The following B3GALT1 variants were observed in gnomAD, a reference collection of about 807,000 sequenced individuals.
B3GALT1 encodes UDP-Gal:betaGlcNAc beta 1,3-galactosyltransferase, polypeptide 1.
A neutral mutation model predicts 23.2 loss-of-function variants in B3GALT1; 10 were observed. The observed-to-expected ratio is 0.43, with a 90% CI of 0.27 to 0.73. The LOEUF (loss-of-function observed/expected upper bound fraction) is 0.73, where lower values mean the gene tolerates loss of function less well. B3GALT1 is among the 30% of genes least tolerant of loss of function. The probability of loss-of-function intolerance (pLI) is 0.21; values close to 1 mark genes in which losing one functional copy is unlikely to be tolerated. For missense variants in B3GALT1, 299 were observed against 405.4 expected (o/e 0.74, Z 2.25); for synonymous variants, 156 against 141.5 (o/e 1.10, Z -0.73).
intron 1 of B3GALT1, among the ~76,000 whole-genome samples, chr2:167,486,493 G>A (rs1261944778): frequency 3.3e-5 from 5 of 151,842 alleles, no homozygotes; most frequent in Admixed American, 3.3e-4. Flanking sequence ...GCTGAGGCAG[G>A]CAGATCACTA....
At chr2:167,514,025 GC>G (rs1265886309) in intron 2 of B3GALT1, among the ~76,000 whole-genome samples, 1 of 152,046 alleles carries the variant, frequency 6.6e-6, no homozygotes, top group African/African-American at 2.4e-5. Context: ...CCCTGCCTCA[GC>G]CTCCTGAGTA....
At chr2:167,791,668 T>C (rs769488208) in intron 3 of B3GALT1, among the ~76,000 whole-genome samples, 3 of 152,200 alleles carry the variant, frequency 2.0e-5, no homozygotes, top group Non-Finnish European at 4.4e-5. Flanking sequence ...TTGTAAAATA[T>C]AGAGAAAACT....
At chr2:167,830,377 A>T (rs1175643710) in intron 4 of B3GALT1, among the ~76,000 whole-genome samples, 1 of 111,562 alleles carries the variant, frequency 9.0e-6, no homozygotes, top group African/African-American at 3.2e-5. Context: ...TTCATACTTA[A>T]AAAAAAAAAA....
In B3GALT1 at chr2:167,779,404, C is replaced by T. The variant is rs142485029; in HGVS notation, c.-351-39268C>T. 6.8e-4 allele frequency among the ~76,000 whole-genome samples: 104 copies of T among 152,270 alleles called. 4 individuals carry two copies. Among genetic ancestry groups the T allele is most frequent in the Middle Eastern group, 3.4e-3 (1 of 294 alleles). ...CTCAGGCTGGTAAATATTTTAAGGC[C>T]GACAGATTTCTTTAAGTTACCTGCT... On this transcript the variant is annotated intron_variant, in intron 3 of 4. Coordinates refer to ENST00000392690, the MANE Select transcript of B3GALT1 (RefSeq NM_020981.4).
intron 3 of B3GALT1, among the ~76,000 whole-genome samples, chr2:167,730,309 G>A (rs899939884): frequency 6.6e-6 from 1 of 151,958 alleles, no homozygotes; most frequent in Non-Finnish European, 1.5e-5. Flanking sequence ...AGCATAGTGT[G>A]TCTCAATTCT....
In B3GALT1 at chr2:167,565,379, C is replaced by T. The variant is rs528497773; in HGVS notation, c.-410+75102C>T. ...ATTCAAGATGGATTAAAGACTTAAACGTCAGACCTAAAACCACAAAAACCC... is the reference window on the plus strand; with the variant it reads ...ATTCAAGATGGATTAAAGACTTAAATGTCAGACCTAAAACCACAAAAACCC... On this transcript the variant is annotated intron_variant, in intron 2 of 4. Coordinates refer to ENST00000392690, the MANE Select transcript of B3GALT1 (RefSeq NM_020981.4). Among the ~76,000 whole-genome samples, 11 of 152,278 alleles carry T rather than the reference C, an allele frequency of 7.2e-5. No homozygotes were observed. In the East Asian group the frequency reaches 1.5e-3, roughly 21 times the overall value.
At position 167,873,584 on chromosome 2, in the gene B3GALT1, T is replaced by G. The variant is rs1471008913; in HGVS notation, c.*3564T>G. On this transcript the variant is annotated 3_prime_UTR_variant, in exon 5 of 5. Transcript: ENST00000392690. Reference sequence around the variant, plus strand: ...GTGGGAGAATTGATTATGTCATTTCTTCTGTAAAGGTGAAAATCGTTTTTA... The same window carrying G: ...GTGGGAGAATTGATTATGTCATTTCGTCTGTAAAGGTGAAAATCGTTTTTA... 1 of 152,234 alleles carries G rather than the reference T, an allele frequency of 6.6e-6. No homozygotes were observed. Among genetic ancestry groups the G allele is most frequent in the African/African-American group, 2.4e-5 (1 of 41,458 alleles). 9.4% of individuals were successfully genotyped at this position (152,234 alleles called of 1,614,324 possible).
At chr2:167,762,043 T>G (rs1481244307) in intron 3 of B3GALT1, among the ~76,000 whole-genome samples, 1 of 152,166 alleles carries the variant, frequency 6.6e-6, no homozygotes, top group East Asian at 1.9e-4. Flanking sequence ...TATCGGAGGG[T>G]GTAATTTCTC....
chr2:167,545,953 T>C (rs1162423567), intron 2 of B3GALT1, among the ~76,000 whole-genome samples: 1 of 152,242 alleles, frequency 6.6e-6, no homozygotes, highest in Non-Finnish European at 1.5e-5. Context: ...TTATGTTTCA[T>C]ATACATCTTA....
At chr2:167,761,392 G>A (rs1235178568) in intron 3 of B3GALT1, among the ~76,000 whole-genome samples, 1 of 152,142 alleles carries the variant, frequency 6.6e-6, no homozygotes, top group Admixed American at 6.5e-5. Flanking sequence ...TACAGGTTGG[G>A]CACGTGTTCC....
intron 1 of B3GALT1, among the ~76,000 whole-genome samples, chr2:167,472,965 G>T (rs1699438181): frequency 6.6e-6 from 1 of 151,990 alleles, no homozygotes; most frequent in African/African-American, 2.4e-5. Context: ...TTTCCATGTG[G>T]CACATTAAAG....
At position 167,400,166 on chromosome 2, in the gene B3GALT1, CTG is replaced by C. The variant is rs149993955; in HGVS notation, c.-510-89985_-510-89984del. ...GAGTTATGAAATTTTACATCTATGT[CTG>C]TGTGTGTGTGTGTGTGTGTGTGTGT... is the stretch of plus-strand genomic sequence containing the variant. On this transcript the variant is annotated intron_variant, in intron 1 of 4. Transcript: ENST00000392690. Among the ~76,000 whole-genome samples, 63 of 145,808 alleles carry C rather than the reference CTG, an allele frequency of 4.3e-4. No individual in the cohort carries two copies. In the East Asian group the frequency reaches 5.8e-3, roughly 13 times the overall value.
chr2:167,324,819 C>T (rs1378897632), intron 1 of B3GALT1, among the ~76,000 whole-genome samples: 2 of 152,068 alleles, frequency 1.3e-5, no homozygotes, highest in African/African-American at 2.4e-5. Context: ...TTCCGTCTTA[C>T]TATATATTTG....
intron 3 of B3GALT1, among the ~76,000 whole-genome samples, chr2:167,661,668 A>C (rs377273411): frequency 6.6e-6 from 1 of 152,036 alleles, no homozygotes; most frequent in East Asian, 1.9e-4. Flanking sequence ...ACAAAATTGC[A>C]CCTCTGGTTG....
intron 1 of B3GALT1, among the ~76,000 whole-genome samples, chr2:167,435,436 A>C (rs1186124649): frequency 2.1e-5 from 2 of 96,626 alleles, no homozygotes; most frequent in African/African-American, 1.5e-4. Flanking sequence ...ATGCTTGCAA[A>C]AAAAAAAAAA....
In B3GALT1 at chr2:167,318,814, A is replaced by G. The variant is rs1018686654; in HGVS notation, c.-511+25480A>G. On this transcript the variant is annotated intron_variant, in intron 1 of 4. Coordinates refer to ENST00000392690, the MANE Select transcript of B3GALT1 (RefSeq NM_020981.4). ...CTGCTGTGGCCTATAGACTCCTGCT[A>G]TACAGAAGCCCAGAAATGTCTCTCT... Among the ~76,000 whole-genome samples, 5 of 152,030 alleles carry G rather than the reference A, an allele frequency of 3.3e-5. No homozygotes were observed. In the South Asian group the frequency reaches 1.0e-3, roughly 31 times the overall value.
chr2:167,545,832 C>T (rs1683627449), intron 2 of B3GALT1, among the ~76,000 whole-genome samples: 1 of 152,146 alleles, frequency 6.6e-6, no homozygotes. Context: ...ATCCAAAATG[C>T]TTGGAACCCA....
chr2:167,358,826 CAG>C (rs1234306108), intron 1 of B3GALT1, among the ~76,000 whole-genome samples: 5 of 152,028 alleles, frequency 3.3e-5, no homozygotes, highest in Admixed American at 1.3e-4. Flanking sequence ...TTTTTTGAGA[CAG>C]AATCCTGCTC....
intron 1 of B3GALT1, among the ~76,000 whole-genome samples, chr2:167,421,985 C>CT (rs951313854): frequency 6.6e-6 from 1 of 151,806 alleles, no homozygotes; most frequent in African/African-American, 2.4e-5. Context: ...TTTTGAATTT[C>CT]TAACTCCCAG....
Sources: gnomAD v4.1 joint callset for allele counts (sites outside exome capture counted in the v4.1 genomes callset) on GRCh38, gnomAD v4.1.1 for gene constraint, MANE v1.5 for transcripts, NCBI Gene and HGNC (gene_info 2026-07-23, HGNC 2026-07-21) for gene names.